HLCS: variants seen among roughly 807,000 people sequenced by gnomAD.
HLCS encodes biotin--protein ligase.
A neutral mutation model predicts 75.0 loss-of-function variants in HLCS; 53 were observed. That is an observed-to-expected ratio of 0.71 (90% confidence interval 0.57 to 0.89). The LOEUF (loss-of-function observed/expected upper bound fraction) is 0.89. Ranked by LOEUF, HLCS falls within the 40% of genes least tolerant of loss-of-function variation. The pLI, the probability that HLCS is intolerant of heterozygous loss-of-function variation, is 0.00. For synonymous variants in HLCS, 431 were observed against 428.6 expected (o/e 1.01, Z -0.07); for missense variants, 966 against 1,074.0 (o/e 0.90, Z 1.41).
intron 6 of HLCS, among the ~76,000 whole-genome samples, 157 bp from the exon 7 acceptor site, chr21:36,767,442 G>T (rs1208798306): frequency 2.0e-5 from 3 of 152,316 alleles, no homozygotes; most frequent in Middle Eastern, 6.8e-3. Context: ...GTGGAGCCAT[G>T]AGGGATATCA....
chr21:36,962,793 CA>C (rs386394699), intron 1 of HLCS, among the ~76,000 whole-genome samples: 20,021 of 79,654 alleles, frequency 0.25, 1,481 homozygotes, highest in East Asian at 0.49. Context: ...GACCCTATCT[CA>C]AAAAAAAAAA....
chr21:36,765,282 T>A, intron 7 of HLCS, 110 bp from the exon 8 acceptor site: 1 of 981,890 alleles, frequency 1.0e-6, no homozygotes, highest in Non-Finnish European at 1.6e-6. Context: ...ATTACAATGC[T>A]TATTGTATTA....
At chr21:36,757,606 G>A (rs921889623) in intron 9 of HLCS, among the ~76,000 whole-genome samples, 3 of 152,118 alleles carry the variant, frequency 2.0e-5, no homozygotes, top group East Asian at 1.9e-4. Flanking sequence ...CAAAACATTC[G>A]CCACAGGCAG....
intron 6 of HLCS, among the ~76,000 whole-genome samples, chr21:36,886,526 A>AAGG (rs1317920142): frequency 6.6e-6 from 1 of 151,852 alleles, no homozygotes; most frequent in Non-Finnish European, 1.5e-5. Context: ...CCCTACCCTG[A>AAGG]AGGAGGCCAT....
chr21:36,899,356 G>A, intron 5 of HLCS, among the ~76,000 whole-genome samples: 1 of 152,172 alleles, frequency 6.6e-6, no homozygotes, highest in Non-Finnish European at 1.5e-5. Flanking sequence ...GGGCACAGTG[G>A]TTCACGCCTG....
chr21:36,979,840 T>G, intron 1 of HLCS, among the ~76,000 whole-genome samples: 1 of 151,916 alleles, frequency 6.6e-6, no homozygotes, highest in East Asian at 1.9e-4. Context: ...GCAAATCACT[T>G]GAACTCAAGT....
intron 2 of HLCS, among the ~76,000 whole-genome samples, chr21:36,942,398 C>CAAAAA (rs55999516): frequency 2.7e-4 from 22 of 80,938 alleles, no homozygotes; most frequent in African/African-American, 5.1e-4. Context: ...GACTCCGTCT[C>CAAAAA]AAAAAAAAAA....
At chr21:36,852,405 G>C (rs914619345) in intron 6 of HLCS, among the ~76,000 whole-genome samples, 2 of 152,166 alleles carry the variant, frequency 1.3e-5, no homozygotes, top group Non-Finnish European at 2.9e-5. Flanking sequence ...TCCTGGCAGA[G>C]AGGACCATAC....
chr21:36,763,030 T>C (rs2089905845), intron 8 of HLCS, among the ~76,000 whole-genome samples: 1 of 152,186 alleles, frequency 6.6e-6, no homozygotes, highest in African/African-American at 2.4e-5. Flanking sequence ...AGGACTTTCT[T>C]TCTTCCTTTT....
At chr21:36,767,991 A>G (rs904375462) in intron 6 of HLCS, among the ~76,000 whole-genome samples, 5 of 151,968 alleles carry the variant, frequency 3.3e-5, no homozygotes, top group Non-Finnish European at 7.4e-5. Context: ...CTTTTTTTCA[A>G]AAAAAGGAAA....
intron 6 of HLCS, among the ~76,000 whole-genome samples, chr21:36,817,507 C>G (rs2061697737): frequency 6.6e-6 from 1 of 152,130 alleles, no homozygotes; most frequent in Non-Finnish European, 1.5e-5. Flanking sequence ...CTCCAACACT[C>G]ACCTATCCTC....
chr21:36,946,069 T>C (rs2067378455), intron 2 of HLCS: 7 of 978,098 alleles, frequency 7.2e-6, no homozygotes, highest in Non-Finnish European at 8.5e-6. Flanking sequence ...GCCACAAGGG[T>C]GCTCTTATGG....
intron 10 of HLCS, among the ~76,000 whole-genome samples, chr21:36,755,200 C>A (rs986435253): frequency 5.3e-5 from 8 of 151,920 alleles, no homozygotes; most frequent in African/African-American, 1.9e-4. Context: ...AGTTCAAGAC[C>A]AGCCTGGGCA....
At chr21:36,846,537 T>C (rs2062806312) in intron 6 of HLCS, among the ~76,000 whole-genome samples, 1 of 152,166 alleles carries the variant, frequency 6.6e-6, no homozygotes, top group Admixed American at 6.5e-5. Context: ...TTGTTGTTAT[T>C]ATTTGCTTTG....
intron 6 of HLCS, among the ~76,000 whole-genome samples, chr21:36,769,842 C>T (rs949273641): frequency 6.6e-6 from 1 of 152,196 alleles, no homozygotes; most frequent in African/African-American, 2.4e-5. Context: ...TAACCTAAGA[C>T]AGGCCAGCAT....
In HLCS at chr21:36,850,610, G is replaced by C. The variant is rs542380437; in HGVS notation, c.1892+46250C>G. Among the ~76,000 whole-genome samples the C allele has an allele frequency of 1.3e-5, 2 of 150,066 alleles. 1 individual carries two copies. The highest frequency in any genetic ancestry group is 5.1e-5 in the African/African-American group (2 of 39,382). On this transcript the variant is annotated intron_variant, in intron 6 of 10. Coordinates refer to ENST00000674895, the MANE Select transcript of HLCS (RefSeq NM_001352514.2). ...CTGTCCTTAGCGCCTTGAGTCCGGA[G>C]ACCCCTGTTCCTCCCAGTTCCCTTC...
At chr21:36,787,896 G>A (rs1023041144) in intron 6 of HLCS, among the ~76,000 whole-genome samples, 7 of 152,178 alleles carry the variant, frequency 4.6e-5, no homozygotes, top group African/African-American at 1.7e-4. Context: ...CTGTGCCGAT[G>A]ACCAGACCCA....
rs895408176 is a variant in HLCS, at chr21:36,754,142, C to T, written c.*104G>A. On this transcript the variant is annotated 3_prime_UTR_variant, in exon 11 of 11. Transcript: ENST00000674895. ...CAGAAACACAGAAAAAGAACAAAGACTTAACAAATGAATTGGAGGAAAAGA... is the reference window on the plus strand; with the variant it reads ...CAGAAACACAGAAAAAGAACAAAGATTTAACAAATGAATTGGAGGAAAAGA... 1.7e-5 allele frequency: 20 copies of T among 1,188,512 alleles called. No homozygotes were observed. Among genetic ancestry groups the T allele is most frequent in the African/African-American group, 4.5e-5 (3 of 66,260 alleles). The allele number at this position is 1,188,512 out of a possible 1,614,324, so 73.6% of individuals were successfully genotyped here.
intron 5 of HLCS, among the ~76,000 whole-genome samples, chr21:36,902,696 G>A (rs530162926): frequency 1.6e-4 from 25 of 152,332 alleles, no homozygotes; most frequent in African/African-American, 5.3e-4. Flanking sequence ...AGGGAGGAAC[G>A]AACATGACAA....
Sources: allele counts gnomAD v4.1 joint callset (sites outside exome capture counted in the v4.1 genomes callset), GRCh38; gene constraint gnomAD v4.1.1; transcripts MANE v1.5; gene names NCBI Gene and HGNC (gene_info 2026-07-23, HGNC 2026-07-21).